The following MAP3K5 variants were observed in gnomAD, a reference collection of about 807,000 sequenced individuals.
The protein encoded by MAP3K5 is mitogen-activated protein kinase kinase kinase 5.
A neutral mutation model predicts 158.7 loss-of-function variants in MAP3K5; 56 were observed. That is an observed-to-expected ratio of 0.35 (90% CI 0.28 to 0.44). The LOEUF (loss-of-function observed/expected upper bound fraction) is 0.44. MAP3K5 is among the 20% of genes least tolerant of loss of function. The probability of loss-of-function intolerance (pLI) is 1.00; values close to 1 mark genes in which losing one functional copy is unlikely to be tolerated. For missense variants in MAP3K5, 1,294 were observed against 1,674.8 expected, an observed-to-expected ratio of 0.77 and a Z score of 3.97; for synonymous variants, 579 against 601.7, an observed-to-expected ratio of 0.96 and a Z score of 0.55.
chr6:136,644,202 T>A (rs901982348), intron 11 of MAP3K5, among the ~76,000 whole-genome samples: 1 of 152,206 alleles, frequency 6.6e-6, no homozygotes, highest in African/African-American at 2.4e-5. Flanking sequence ...ATTTCCAGAA[T>A]GCTTGGTTCC....
At chr6:136,731,874 G>A (rs1375388462) in intron 1 of MAP3K5, among the ~76,000 whole-genome samples, 1 of 152,322 alleles carries the variant, frequency 6.6e-6, no homozygotes, top group Admixed American at 6.5e-5. Flanking sequence ...GAAAGCAAGA[G>A]ATCAGACAAT....
intron 1 of MAP3K5, among the ~76,000 whole-genome samples, chr6:136,768,594 C>G (rs895299990): frequency 1.3e-5 from 2 of 152,152 alleles, no homozygotes; most frequent in Non-Finnish European, 2.9e-5. Context: ...ATTGTTGGTA[C>G]GACAAAATGG....
At chr6:136,606,045 G>C (rs913495897) in intron 18 of MAP3K5, among the ~76,000 whole-genome samples, 1 of 152,166 alleles carries the variant, frequency 6.6e-6, no homozygotes, top group Non-Finnish European at 1.5e-5. Flanking sequence ...CACATAATCA[G>C]ATACAGTGAC....
upstream of MAP3K5, chr6:136,792,660 G>C (rs1785141422): frequency 6.5e-6 from 1 of 152,782 alleles, no homozygotes; most frequent in South Asian, 2.1e-4. This position sits in a 1 kb window ranked among gnomAD's most constrained non-coding sequence, Gnocchi z 5.7. Flanking sequence ...GAGCGGGCTG[G>C]CTCCCCAGGC....
At chr6:136,684,097 G>A (rs915251424) in intron 7 of MAP3K5, among the ~76,000 whole-genome samples, 11 of 152,030 alleles carry the variant, frequency 7.2e-5, no homozygotes, top group Non-Finnish European at 5.9e-5. Flanking sequence ...CAGGCATGGC[G>A]GCATACACCT....
At chr6:136,661,662 T>C (rs1016816618) in intron 8 of MAP3K5, among the ~76,000 whole-genome samples, 1 of 152,256 alleles carries the variant, frequency 6.6e-6, no homozygotes, top group East Asian at 1.9e-4. Context: ...CTAGCTGAGA[T>C]AACAGATGCT....
At chr6:136,596,474 C>T (rs893390218) in intron 21 of MAP3K5, among the ~76,000 whole-genome samples, 16 of 151,732 alleles carry the variant, frequency 1.1e-4, no homozygotes, top group Non-Finnish European at 1.9e-4. Context: ...TACTTCAAGA[C>T]GGGAAGCTGT....
At chr6:136,787,425 T>C (rs1403107782) in intron 1 of MAP3K5, among the ~76,000 whole-genome samples, 2 of 152,186 alleles carry the variant, frequency 1.3e-5, no homozygotes, top group Admixed American at 1.3e-4. Context: ...GCTGAAATGA[T>C]TCATTTGTCT....
chr6:136,757,492 C>T (rs1223797445), intron 1 of MAP3K5, among the ~76,000 whole-genome samples: 1 of 151,970 alleles, frequency 6.6e-6, no homozygotes, highest in Non-Finnish European at 1.5e-5. Flanking sequence ...TAGCAAGATT[C>T]CTTTCTATTA....
intron 10 of MAP3K5, among the ~76,000 whole-genome samples, chr6:136,655,108 A>G (rs866949530): frequency 1.3e-5 from 2 of 152,234 alleles, no homozygotes; most frequent in Admixed American, 6.5e-5. Context: ...TATTTATAGT[A>G]TGACAGACAA....
At chr6:136,703,126 G>A (rs1357760975) in intron 3 of MAP3K5, among the ~76,000 whole-genome samples, 1 of 152,106 alleles carries the variant, frequency 6.6e-6, no homozygotes, top group Non-Finnish European at 1.5e-5. Context: ...CTTCTGGAAG[G>A]AAAAGCTCTC....
At chr6:136,694,756 A>T (rs920359831) in intron 6 of MAP3K5, among the ~76,000 whole-genome samples, 1 of 152,226 alleles carries the variant, frequency 6.6e-6, no homozygotes, top group Non-Finnish European at 1.5e-5. Flanking sequence ...TGATACCAAA[A>T]ATCAAATCAA....
chr6:136,635,278 G>A (rs565689403), intron 14 of MAP3K5, among the ~76,000 whole-genome samples: 1 of 152,152 alleles, frequency 6.6e-6, no homozygotes, highest in South Asian at 2.1e-4. Flanking sequence ...TATGTATCAA[G>A]TGATGCAAAA....
chr6:136,697,595 C>T (rs149219091), intron 4 of MAP3K5, among the ~76,000 whole-genome samples: 1,768 of 136,134 alleles, frequency 0.013, 67 homozygotes, highest in African/African-American at 0.064. Flanking sequence ...TATTACTCTG[C>T]CTTCAGAAAG....
chr6:136,677,132 A>AT (rs1214152994), intron 7 of MAP3K5, among the ~76,000 whole-genome samples: 5,836 of 93,326 alleles, frequency 0.063, 452 homozygotes, highest in African/African-American at 0.17. Context: ...GATGATATCC[A>AT]TTTTTTTTTT....
chr6:136,785,550 C>T (rs541608257), intron 1 of MAP3K5, among the ~76,000 whole-genome samples: 3 of 152,250 alleles, frequency 2.0e-5, no homozygotes, highest in African/African-American at 7.2e-5. Context: ...AGTGAGGTGG[C>T]CTTGAGCACA....
intron 2 of MAP3K5, among the ~76,000 whole-genome samples, chr6:136,714,149 T>G (rs1003460462): frequency 6.6e-6 from 1 of 152,210 alleles, no homozygotes; most frequent in Non-Finnish European, 1.5e-5. Flanking sequence ...GGAAGTACTG[T>G]TTTTTGTTTG....
intron 3 of MAP3K5, among the ~76,000 whole-genome samples, chr6:136,704,557 A>G (rs1391751462): frequency 1.3e-5 from 2 of 152,072 alleles, no homozygotes; most frequent in African/African-American, 4.8e-5. Context: ...TTATTTATTT[A>G]TTTTTTGAGA....
Position 136,720,556 on chromosome 6 carries a change from C to T in MAP3K5, c.482G>A (p.Arg161Gln), listed in dbSNP as rs1781706703. Reference protein sequence around the residue: ...IAVVEMSDAFRQPSLFYHLGV... With the variant: ...IAVVEMSDAFQQPSLFYHLGV... ...AAGGTGGTAAAACAAGGACGGCTGC[C>T]GGAAGGCATCGCTCATCTCCACCAC... The change falls in exon 2 of 30, where the codon CGG becomes CAG. Residue 161 changes from arginine (R) to glutamine (Q), a missense_variant. Physicochemically the swap from Arg to Gln is conservative, Grantham distance 43. Transcript: ENST00000359015. 7 of 1,612,330 alleles carry T rather than the reference C, an allele frequency of 4.3e-6. No individual in the cohort carries two copies. Among genetic ancestry groups the T allele is most frequent in the Non-Finnish European group, 5.9e-6 (7 of 1,179,214 alleles).
Sources: allele counts gnomAD v4.1 joint callset (sites outside exome capture counted in the v4.1 genomes callset), GRCh38; gene constraint gnomAD v4.1.1; non-coding constraint Gnocchi (gnomAD v3.1); transcripts MANE v1.5; gene names NCBI Gene and HGNC (gene_info 2026-07-23, HGNC 2026-07-21).